The following FAT3 variants were observed in gnomAD, a reference collection of about 807,000 sequenced individuals.
The protein encoded by FAT3 is protocadherin Fat 3.
In FAT3, 95 loss-of-function variants were observed where a neutral mutation model predicts 310.2. That is an observed-to-expected ratio of 0.31 (90% CI 0.26 to 0.36). The LOEUF (loss-of-function observed/expected upper bound fraction) is 0.36, where lower values mean the gene tolerates loss of function less well. Among genes scored for constraint, FAT3 ranks in the 10% least tolerant of loss-of-function variants. FAT3 has a pLI of 1.00. For synonymous variants in FAT3, 2,314 were observed against 2,192.9 expected, an observed-to-expected ratio of 1.06 and a Z score of -1.54; for missense variants, 5,408 against 5,715.6, an observed-to-expected ratio of 0.95 and a Z score of 1.74.
intron 2 of FAT3, among the ~76,000 whole-genome samples, chr11:92,359,958 A>T (rs1445126988): frequency 4.0e-5 from 6 of 148,192 alleles, no homozygotes; most frequent in Non-Finnish European, 7.4e-5. Flanking sequence ...ATGTGTCTTT[A>T]TAGCAGCATG....
chr11:92,765,148 G>GAA, intron 6 of FAT3, 59 bp downstream of exon 6: 15 of 1,069,954 alleles, frequency 1.4e-5, no homozygotes, highest in South Asian at 2.6e-5. Context: ...GAAGCAACTA[G>GAA]GAAAAAAAAA....
chr11:92,552,399 AATTAT>A (rs1954851057), intron 3 of FAT3, among the ~76,000 whole-genome samples: 3 of 152,240 alleles, frequency 2.0e-5, no homozygotes, highest in African/African-American at 7.2e-5. Flanking sequence ...ATTAAATGGG[AATTAT>A]ATTAGTAAAT....
intron 3 of FAT3, among the ~76,000 whole-genome samples, chr11:92,597,624 G>A (rs120100): frequency 0.57 from 87,158 of 151,996 alleles, 26,741 homozygotes; most frequent in African/African-American, 0.8. Context: ...GTTGACCACA[G>A]GTACATTCTG....
At position 92,799,850 on chromosome 11, in the gene FAT3, T is replaced by G; in HGVS notation, c.6837T>G (p.Asp2279Glu). Residue 2279 changes from aspartate to glutamate, a missense_variant, in exon 10 of 28, where the codon GAT becomes GAG. Around this residue, in one of 5 missense-constraint regions of FAT3, gnomAD observed 4,588 missense variants for 4,809.8 expected, o/e 0.95. Coordinates refer to ENST00000525166, the MANE Select transcript of FAT3 (RefSeq NM_001367949.2). ...TCACTGTTGACTTGCTAGTTAATGA[T>G]GTAAATGACAACCCCCCTATTTTCG... The part of the protein sequence containing the change: ...AEVTVDLLVN[D>E]VNDNPPIFDQ... The G allele has an allele frequency of 6.2e-7, 1 of 1,613,468 alleles. No individual in the cohort carries two copies. The highest frequency in any genetic ancestry group is 1.7e-5 in the Admixed American group (1 of 59,954).
intron 2 of FAT3, among the ~76,000 whole-genome samples, chr11:92,419,791 C>T (rs1950499532): frequency 1.3e-5 from 2 of 152,078 alleles, no homozygotes; most frequent in Non-Finnish European, 2.9e-5. Flanking sequence ...TCTAGTGAGT[C>T]GATTTCAGAT....
chr11:92,452,478 G>GC (rs1038619063), intron 2 of FAT3, among the ~76,000 whole-genome samples: 1 of 152,136 alleles, frequency 6.6e-6, no homozygotes, highest in African/African-American at 2.4e-5. Context: ...ATAATGTCTT[G>GC]CCACTGGGGA....
At chr11:92,631,609 T>C (rs2135703376) in intron 3 of FAT3, among the ~76,000 whole-genome samples, 1 of 152,246 alleles carries the variant, frequency 6.6e-6, no homozygotes, top group South Asian at 2.1e-4. Flanking sequence ...ATCACAAGTT[T>C]CCTGAGGTCT....
chr11:92,312,956 A>T (rs1022005507), intron 1 of FAT3, among the ~76,000 whole-genome samples: 2 of 151,896 alleles, frequency 1.3e-5, no homozygotes, highest in Middle Eastern at 3.2e-3. Flanking sequence ...CAACATGCTG[A>T]TATCTTAATA....
In FAT3 at chr11:92,857,357, T is replaced by A. The variant is rs1463521894; in HGVS notation, c.11500+9T>A. On this transcript the variant is annotated intron_variant, in intron 20 of 27. Transcript: ENST00000525166. ...GCTCGGAGAGTGCTCAGGTGCAGAGTGGAGTGGAATGATGCAGATCTAATT... is the reference window on the plus strand; with the variant it reads ...GCTCGGAGAGTGCTCAGGTGCAGAGAGGAGTGGAATGATGCAGATCTAATT... 2 of 1,613,678 alleles carry A rather than the reference T, an allele frequency of 1.2e-6. No individual in the cohort carries two copies. Among genetic ancestry groups the A allele is most frequent in the South Asian group, 2.2e-5 (2 of 91,050 alleles).
intron 4 of FAT3, among the ~76,000 whole-genome samples, chr11:92,722,128 T>C (rs1944879161): frequency 6.6e-6 from 1 of 152,160 alleles, no homozygotes; most frequent in Non-Finnish European, 1.5e-5. Context: ...GTCCAAGGTC[T>C]CATCTGAAAC....
chr11:92,763,567 A>G (rs1275927703), intron 5 of FAT3, among the ~76,000 whole-genome samples: 1 of 152,144 alleles, frequency 6.6e-6, no homozygotes, highest in African/African-American at 2.4e-5. Context: ...TTCTTGGTGA[A>G]AGAGAGTCTA....
At chr11:92,599,246 C>T (rs1041505331) in intron 3 of FAT3, among the ~76,000 whole-genome samples, 3 of 152,198 alleles carry the variant, frequency 2.0e-5, no homozygotes, top group South Asian at 2.1e-4. Flanking sequence ...GGGGAGGCCT[C>T]AGGAAACTTA....
chr11:92,418,807 A>G (rs1037406993), intron 2 of FAT3, among the ~76,000 whole-genome samples: 1 of 152,162 alleles, frequency 6.6e-6, no homozygotes, highest in African/African-American at 2.4e-5. Flanking sequence ...TTTTATGGGC[A>G]TATCTTGCTG....
intron 19 of FAT3, among the ~76,000 whole-genome samples, chr11:92,856,255 C>T (rs1315083885): frequency 1.3e-5 from 2 of 152,080 alleles, no homozygotes; most frequent in Non-Finnish European, 1.5e-5. Context: ...TCTCAGTTCA[C>T]GGGGAAAGGG....
At chr11:92,776,608 T>C (rs1180954476) in intron 7 of FAT3, among the ~76,000 whole-genome samples, 1 of 152,182 alleles carries the variant, frequency 6.6e-6, no homozygotes, top group East Asian at 1.9e-4. Flanking sequence ...CTGTTTTTGT[T>C]TATTTTATTT....
At chr11:92,276,658 A>G (rs1258687332) in intron 1 of FAT3, among the ~76,000 whole-genome samples, 1 of 152,160 alleles carries the variant, frequency 6.6e-6, no homozygotes, top group Non-Finnish European at 1.5e-5. Flanking sequence ...TATAGAGTAG[A>G]CATAGCACAA....
At chr11:92,252,600 A>G (rs559773486) in intron 1 of FAT3, among the ~76,000 whole-genome samples, 9 of 152,262 alleles carry the variant, frequency 5.9e-5, no homozygotes, top group African/African-American at 2.2e-4. Flanking sequence ...CAAGCACTGT[A>G]TTGGAACCAT....
chr11:92,617,486 C>T (rs376639457), intron 3 of FAT3, among the ~76,000 whole-genome samples: 1 of 152,304 alleles, frequency 6.6e-6, no homozygotes, highest in Non-Finnish European at 1.5e-5. Flanking sequence ...TCTCTCAACT[C>T]GTCAAAGTCA....
intron 2 of FAT3, among the ~76,000 whole-genome samples, chr11:92,398,503 A>C (rs1409503389): frequency 2.8e-5 from 3 of 106,588 alleles, no homozygotes; most frequent in Admixed American, 8.6e-5. Context: ...TCCGTCCCAA[A>C]AAAAAAAAAA....
Sources: allele counts gnomAD v4.1 joint callset (sites outside exome capture counted in the v4.1 genomes callset), GRCh38; gene constraint gnomAD v4.1.1; regional missense constraint gnomAD v4.1.1; transcripts MANE v1.5; gene names NCBI Gene and HGNC (gene_info 2026-07-23, HGNC 2026-07-21).